Variants in ABR observed in about 807,000 individuals in gnomAD.
The protein encoded by ABR is active breakpoint cluster region-related protein.
ABR carries 35 observed loss-of-function variants against 107.2 expected under a neutral mutation model. The observed-to-expected ratio is 0.33, with a 90% confidence interval of 0.25 to 0.43. The LOEUF is 0.43. Among genes scored for constraint, ABR ranks in the 20% least tolerant of loss-of-function variants. The pLI is 1.00. For synonymous variants in ABR, 498 were observed against 462.0 expected (o/e 1.08, Z -1.00); for missense variants, 815 against 1,115.2 (o/e 0.73, Z 3.83).
intron 1 of ABR, among the ~76,000 whole-genome samples, chr17:1,155,800 C>CT (rs2041015289): frequency 1.3e-5 from 2 of 152,034 alleles, no homozygotes; most frequent in South Asian, 4.2e-4. Context: ...CCTGTCTCTA[C>CT]TAAAACTACA....
intron 16 of ABR, among the ~76,000 whole-genome samples, chr17:1,024,024 C>CAAAAAAAAAAAAAAAAAAAAAAAAAAA (rs11334940): frequency 6.3e-5 from 3 of 47,662 alleles, no homozygotes; most frequent in African/African-American, 1.5e-4. Context: ...GACTCCATCT[C>CAAAAAAAAAAAAAAAAAAAAAAAAAAA]AAAAAAAAAA....
intron 16 of ABR, among the ~76,000 whole-genome samples, chr17:1,023,508 C>G (rs1464021359): frequency 6.6e-6 from 1 of 151,786 alleles, no homozygotes; most frequent in Non-Finnish European, 1.5e-5. Context: ...GTGGCAAGGG[C>G]AGGGGCAGTG....
chr17:1,012,211 G>C (rs2070648998), intron 18 of ABR: 1 of 721,708 alleles, frequency 1.4e-6, no homozygotes, highest in African/African-American at 1.7e-5. Flanking sequence ...AGAAGCCTTG[G>C]GAACTTGGGA....
At chr17:1,035,668 G>A (rs1401377347) in intron 16 of ABR, among the ~76,000 whole-genome samples, 1 of 62,552 alleles carries the variant, frequency 1.6e-5, no homozygotes, top group Admixed American at 1.9e-4. Context: ...CAGACGACCT[G>A]CAAGACTCCC....
chr17:1,154,783 G>A lies in ABR; in HGVS notation c.61+24884C>T, dbSNP rs771986514. 6.6e-6 allele frequency: 1 copy of A among 152,276 alleles called. No individual in the cohort carries two copies. The highest frequency in any genetic ancestry group is 2.4e-5 in the African/African-American group (1 of 41,420). The allele number at this position is 152,276 out of a possible 1,614,324, so 9.4% of individuals were successfully genotyped here. A position where few individuals can be genotyped will look rare whatever the true frequency, so the allele number is the denominator to read the frequency against. On this transcript the variant is annotated intron_variant, in intron 1 of 22. Transcript: ENST00000302538. The surrounding 1 kb of genome is among the most constrained non-coding windows in gnomAD (Gnocchi z 4.0). ...CTCGCCCTCCCAAGGCCGGTGTCCT[G>A]GTGACGATGCCACTAGTGCCAAGAA... is the stretch of plus-strand genomic sequence containing the variant.
Position 1,071,586 on chromosome 17 carries a change from T to G in ABR, c.894+1028A>C, listed in dbSNP as rs939546157. Among the ~76,000 whole-genome samples, 1 of 152,222 alleles carries G rather than the reference T, an allele frequency of 6.6e-6. No homozygotes were observed. Among genetic ancestry groups the G allele is most frequent in the Non-Finnish European group, 1.5e-5 (1 of 68,026 alleles). On this transcript the variant is annotated intron_variant, in intron 8 of 22. Coordinates refer to ENST00000302538, the MANE Select transcript of ABR (RefSeq NM_021962.5). This position sits in a 1 kb window ranked among gnomAD's most constrained non-coding sequence, Gnocchi z 5.1. ...CCCACATGCAGGTGCCCACTGGACA[T>G]TCCGGCAACCTGGACGGCCTCCACC...
At chr17:1,220,984 GGGCCGT>G (rs2043110422) in intron 1 of ABR, among the ~76,000 whole-genome samples, 1 of 152,182 alleles carries the variant, frequency 6.6e-6, no homozygotes, top group African/African-American at 2.4e-5. Flanking sequence ...GCCTTGCACA[GGGCCGT>G]GGCTCCGTTG....
intron 1 of ABR, among the ~76,000 whole-genome samples, chr17:1,227,627 A>AT (rs1463504615): frequency 6.8e-6 from 1 of 147,220 alleles, no homozygotes; most frequent in Non-Finnish European, 1.5e-5. Flanking sequence ...TTTTGGAACA[A>AT]TCCCAGCATC....
intron 2 of ABR, among the ~76,000 whole-genome samples, chr17:1,116,020 A>G (rs1430211240): frequency 2.6e-5 from 4 of 152,098 alleles, no homozygotes; most frequent in African/African-American, 2.4e-5. Flanking sequence ...TGAGGTTGGG[A>G]GTTCAAGACC....
chr17:1,159,494 T>TAGGA (rs761818969), intron 1 of ABR, among the ~76,000 whole-genome samples: 3 of 55,384 alleles, frequency 5.4e-5, no homozygotes, highest in Non-Finnish European at 1.0e-4. Flanking sequence ...ACAAGGGAAG[T>TAGGA]ATGCGGTACT....
chr17:1,083,484 T>C, intron 5 of ABR, 36 bp downstream of exon 5: 1 of 1,513,886 alleles, frequency 6.6e-7, no homozygotes, highest in Non-Finnish European at 9.0e-7. Flanking sequence ...CCAAAGCTCC[T>C]TGTCCCTCAG....
At chr17:1,083,408 C>T (rs575077089) in intron 5 of ABR, 112 bp downstream of exon 5, 34 of 660,644 alleles carry the variant, frequency 5.1e-5, no homozygotes, top group Non-Finnish European at 8.3e-5. Context: ...TAAGTGTTAC[C>T]CATTAGAGTA....
intron 7 of ABR, 148 bp from the exon 8 acceptor site, chr17:1,072,902 C>G: frequency 1.8e-6 from 2 of 1,131,786 alleles, no homozygotes; most frequent in Non-Finnish European, 1.2e-6. Context: ...AGAGTCAGGC[C>G]GGGCACGGCG....
intron 16 of ABR, among the ~76,000 whole-genome samples, chr17:1,034,665 AAACGTGC>A (rs1253027117): frequency 6.6e-6 from 1 of 152,144 alleles, no homozygotes; most frequent in Non-Finnish European, 1.5e-5. Context: ...TCCCTCCAGC[AAACGTGC>A]AATGGCTGTC....
chr17:1,031,972 G>GCGC, intron 16 of ABR: 1 of 777,756 alleles, frequency 1.3e-6, no homozygotes, highest in African/African-American at 1.8e-5. Context: ...CCCAGGCTGA[G>GCGC]CGCCGCCTCC....
chr17:1,127,684 G>A (rs868699943), intron 1 of ABR, among the ~76,000 whole-genome samples: 1 of 152,168 alleles, frequency 6.6e-6, no homozygotes, highest in Admixed American at 6.5e-5. Flanking sequence ...TTTGCCCACA[G>A]TTTAGATTCC....
In ABR at chr17:1,050,290, C is replaced by T. The variant is rs1489801488; in HGVS notation, c.1660-109G>A. 1.7e-5 allele frequency: 24 copies of T among 1,384,556 alleles called. No individual in the cohort carries two copies. Among genetic ancestry groups the T allele is most frequent in the Middle Eastern group, 2.1e-4 (1 of 4,668 alleles). 85.8% of individuals were successfully genotyped at this position (1,384,556 alleles called of 1,614,324 possible). ...AGGAGGAGGGAGTAAGCACGGCCCA[C>T]GAAGGACACGTCAGATTTTCTGGAG... On this transcript the variant is annotated intron_variant, in intron 15 of 22. Transcript: ENST00000302538. This position sits in a 1 kb window ranked among gnomAD's most constrained non-coding sequence, Gnocchi z 4.6.
At chr17:1,149,026 C>T (rs1432790672) in intron 1 of ABR, among the ~76,000 whole-genome samples, 1 of 150,472 alleles carries the variant, frequency 6.6e-6, no homozygotes, top group Non-Finnish European at 1.5e-5. Context: ...CTCAGCCTCC[C>T]AAGTAGCTGG....
intron 3 of ABR, among the ~76,000 whole-genome samples, chr17:1,096,703 G>A (rs2037453865): frequency 6.6e-6 from 1 of 151,688 alleles, no homozygotes; most frequent in Non-Finnish European, 1.5e-5. Context: ...GCCCCGGGAG[G>A]AGAGAGCTGG....
Sources: allele counts gnomAD v4.1 joint callset (sites outside exome capture counted in the v4.1 genomes callset), GRCh38; gene constraint gnomAD v4.1.1; non-coding constraint Gnocchi (gnomAD v3.1); transcripts MANE v1.5; gene names NCBI Gene and HGNC (gene_info 2026-07-23, HGNC 2026-07-21).